ST6GALNAC3: variants seen among roughly 807,000 people sequenced by gnomAD.
The protein encoded by ST6GALNAC3 is alpha-N-acetylgalactosaminide alpha-2,6-sialyltransferase 3.
Under a neutral mutation model 32.7 loss-of-function variants are expected in ST6GALNAC3, and 25 were observed. The observed-to-expected ratio is 0.76, with a 90% CI of 0.56 to 1.07. The LOEUF is 1.07. Among genes scored for constraint, ST6GALNAC3 ranks in the 50% least tolerant of loss-of-function variants. The pLI is 0.00. For missense variants in ST6GALNAC3, 355 were observed against 382.4 expected (o/e 0.93, Z 0.60); for synonymous variants, 129 against 133.1 (o/e 0.97, Z 0.21).
At chr1:76,197,652 GAGA>G (rs1019331772) in intron 1 of ST6GALNAC3, among the ~76,000 whole-genome samples, 13 of 152,164 alleles carry the variant, frequency 8.5e-5, no homozygotes, top group African/African-American at 3.1e-4. Context: ...CACTGTCTTT[GAGA>G]AGAAGTTTAA....
intron 3 of ST6GALNAC3, among the ~76,000 whole-genome samples, chr1:76,566,302 G>A (rs561797592): frequency 9.2e-5 from 14 of 152,162 alleles, no homozygotes; most frequent in Non-Finnish European, 1.8e-4. Context: ...ACTATGGCAA[G>A]AACCTCTGAA....
chr1:76,288,298 G>T (rs1659893931), intron 1 of ST6GALNAC3, among the ~76,000 whole-genome samples: 1 of 152,100 alleles, frequency 6.6e-6, no homozygotes, highest in African/African-American at 2.4e-5. Context: ...TTTTGTGTTT[G>T]TGGTCCAATT....
At chr1:76,295,728 A>G (rs1469349025) in intron 1 of ST6GALNAC3, among the ~76,000 whole-genome samples, 3 of 152,082 alleles carry the variant, frequency 2.0e-5, no homozygotes, top group Non-Finnish European at 4.4e-5. Context: ...TTGAAGACTT[A>G]CATACTGAAC....
At chr1:76,343,788 G>A (rs1389179788) in intron 2 of ST6GALNAC3, among the ~76,000 whole-genome samples, 2 of 152,152 alleles carry the variant, frequency 1.3e-5, no homozygotes, top group Non-Finnish European at 2.9e-5. Flanking sequence ...AGACTTGATA[G>A]CATGTTAATG....
At chr1:76,237,921 G>T (rs1656749242) in intron 1 of ST6GALNAC3, among the ~76,000 whole-genome samples, 1 of 152,210 alleles carries the variant, frequency 6.6e-6, no homozygotes, top group African/African-American at 2.4e-5. Flanking sequence ...TCCTGCTTTT[G>T]AATGAATTAC....
At chr1:76,130,386 C>G (rs978342452) in intron 1 of ST6GALNAC3, among the ~76,000 whole-genome samples, 1 of 152,182 alleles carries the variant, frequency 6.6e-6, no homozygotes, top group Non-Finnish European at 1.5e-5. Flanking sequence ...AAGAATGGCT[C>G]TCCATGGGGT....
At chr1:76,217,422 G>A (rs1655526249) in intron 1 of ST6GALNAC3, among the ~76,000 whole-genome samples, 1 of 152,192 alleles carries the variant, frequency 6.6e-6, no homozygotes, top group Non-Finnish European at 1.5e-5. Flanking sequence ...ATATGTGGCA[G>A]AACTGAATAT....
intron 1 of ST6GALNAC3, among the ~76,000 whole-genome samples, chr1:76,222,222 C>T (rs1655815632): frequency 1.3e-5 from 2 of 152,152 alleles, no homozygotes; most frequent in Non-Finnish European, 1.5e-5. Flanking sequence ...AATAGTGAAG[C>T]TGGACCCCTT....
intron 3 of ST6GALNAC3, among the ~76,000 whole-genome samples, chr1:76,605,005 A>G (rs984906439): frequency 1.3e-5 from 2 of 152,200 alleles, no homozygotes; most frequent in African/African-American, 4.8e-5. Flanking sequence ...CATAATTCAC[A>G]TAGTATTAAC....
intron 3 of ST6GALNAC3, among the ~76,000 whole-genome samples, chr1:76,418,833 T>G (rs2101356973): frequency 6.6e-6 from 1 of 152,084 alleles, no homozygotes; most frequent in Non-Finnish European, 1.5e-5. Context: ...CTAACAAGCA[T>G]TATGAAACAG....
At chr1:76,333,021 G>C (rs1243003772) in intron 2 of ST6GALNAC3, among the ~76,000 whole-genome samples, 1 of 151,884 alleles carries the variant, frequency 6.6e-6, no homozygotes, top group Admixed American at 6.6e-5. Context: ...GCCCCTGAAA[G>C]GCTGGACCCT....
chr1:76,305,784 G>A (rs887799287), intron 1 of ST6GALNAC3: 1 of 431,088 alleles, frequency 2.3e-6, no homozygotes, highest in Non-Finnish European at 4.6e-6. Flanking sequence ...AGTGTTATCA[G>A]TTAGAGAATT....
chr1:76,095,167 G>A (rs1342312155), intron 1 of ST6GALNAC3, among the ~76,000 whole-genome samples: 1 of 151,926 alleles, frequency 6.6e-6, no homozygotes, highest in African/African-American at 2.4e-5. Context: ...AAACCTCTTT[G>A]GACCTTAGAG....
At chr1:76,627,370 T>C (rs1649031762) in intron 3 of ST6GALNAC3, 82 bp from the exon 4 acceptor site, 2 of 874,794 alleles carry the variant, frequency 2.3e-6, no homozygotes, top group African/African-American at 1.7e-5. Flanking sequence ...GAAATGTTGC[T>C]CGTTTCTCAC....
At chr1:76,611,889 A>G (rs959685025) in intron 3 of ST6GALNAC3, among the ~76,000 whole-genome samples, 10 of 152,178 alleles carry the variant, frequency 6.6e-5, no homozygotes, top group African/African-American at 2.4e-4. Context: ...AAGAGATGAT[A>G]TGAGAAAGTG....
chr1:76,375,454 C>A (rs1380335225), intron 2 of ST6GALNAC3, among the ~76,000 whole-genome samples: 1 of 152,160 alleles, frequency 6.6e-6, no homozygotes, highest in Non-Finnish European at 1.5e-5. Flanking sequence ...GGAAAAGTTA[C>A]AAGCCACCAA....
intron 3 of ST6GALNAC3, among the ~76,000 whole-genome samples, chr1:76,499,947 A>G (rs540343999): frequency 4.6e-5 from 7 of 152,234 alleles, no homozygotes; most frequent in African/African-American, 1.7e-4. Context: ...ATACTATGCG[A>G]TCCTTAAGAA....
At chr1:76,171,513 A>G (rs1397631292) in intron 1 of ST6GALNAC3, among the ~76,000 whole-genome samples, 1 of 151,178 alleles carries the variant, frequency 6.6e-6, no homozygotes, top group Non-Finnish European at 1.5e-5. Context: ...TTTTTTTTTG[A>G]AAAAATTAAC....
At chr1:76,472,152 A>T (rs141695486) in intron 3 of ST6GALNAC3, among the ~76,000 whole-genome samples, 1 of 152,114 alleles carries the variant, frequency 6.6e-6, no homozygotes, top group Admixed American at 6.6e-5. Context: ...AGGTGTTTCC[A>T]TGTAGAAATT....
Sources: gnomAD v4.1 joint callset for allele counts (sites outside exome capture counted in the v4.1 genomes callset) on GRCh38, gnomAD v4.1.1 for gene constraint, MANE v1.5 for transcripts, NCBI Gene and HGNC (gene_info 2026-07-23, HGNC 2026-07-21) for gene names.